KDM4B: variants seen among roughly 807,000 people sequenced by gnomAD.
KDM4B encodes lysine demethylase 4B.
In KDM4B, 32 loss-of-function variants were observed where a neutral mutation model predicts 125.2. That is an observed-to-expected ratio of 0.26 (90% confidence interval 0.19 to 0.34). KDM4B has a LOEUF of 0.34. Among genes scored for constraint, KDM4B ranks in the 10% least tolerant of loss-of-function variants. The pLI is 1.00. For missense variants in KDM4B, 1,190 were observed against 1,577.7 expected, an observed-to-expected ratio of 0.75 and a Z score of 4.16; for synonymous variants, 721 against 677.9, an observed-to-expected ratio of 1.06 and a Z score of -0.99.
Position 5,096,769 on chromosome 19 carries a change from G to A in KDM4B, c.919-13853G>A, listed in dbSNP as rs1008654360. On this transcript the variant is annotated intron_variant, in intron 9 of 22. Coordinates refer to ENST00000159111, the MANE Select transcript of KDM4B (RefSeq NM_015015.3). Reference sequence around the variant, plus strand: ...GCCCCCGGCGGTGTCGGTGGCGCGTGTTGCCGTGGCGCCTGCCTGGTGGAG... The same window carrying A: ...GCCCCCGGCGGTGTCGGTGGCGCGTATTGCCGTGGCGCCTGCCTGGTGGAG... Among the ~76,000 whole-genome samples, 6 of 149,454 alleles carry A rather than the reference G, an allele frequency of 4.0e-5. No homozygotes were observed. The East Asian group carries it at 1.2e-3, about 30-fold the overall frequency.
intron 2 of KDM4B, among the ~76,000 whole-genome samples, chr19:5,020,931 G>A (rs529918326): frequency 1.4e-4 from 21 of 152,048 alleles, no homozygotes; most frequent in Non-Finnish European, 3.1e-4. Context: ...CGGATCACCT[G>A]AGGTCAGGAG....
At chr19:5,122,157 G>A (rs938952375) in intron 11 of KDM4B, among the ~76,000 whole-genome samples, 1 of 152,224 alleles carries the variant, frequency 6.6e-6, no homozygotes, top group Non-Finnish European at 1.5e-5. Context: ...CCTCCTGGGG[G>A]GCTCCAGGGG....
intron 6 of KDM4B, among the ~76,000 whole-genome samples, chr19:5,053,051 G>A (rs2037282758): frequency 6.6e-6 from 1 of 152,266 alleles, no homozygotes; most frequent in Admixed American, 6.5e-5. Flanking sequence ...CCCGACAGGG[G>A]TGGCGTAGCC....
chr19:5,039,762 C>CGTATCATTAAAAAAA, intron 3 of KDM4B, 74 bp from the exon 4 acceptor site: 1 of 1,521,766 alleles, frequency 6.6e-7, no homozygotes, highest in South Asian at 1.2e-5. Context: ...TCTGGGGAGC[C>CGTATCATTAAAAAAA]GGTGGCACAG....
At chr19:5,121,326 C>T (rs1485492007) in intron 11 of KDM4B, among the ~76,000 whole-genome samples, 1 of 152,188 alleles carries the variant, frequency 6.6e-6, no homozygotes, top group African/African-American at 2.4e-5. Flanking sequence ...CAGCACGCCT[C>T]AGGAGGGTCT....
At chr19:5,079,256 C>T (rs951237246) in intron 8 of KDM4B, 3 of 152,324 alleles carry the variant, frequency 2.0e-5, no homozygotes, top group Non-Finnish European at 2.9e-5. Context: ...TCTGGGGCCG[C>T]GTCCTGTCAC....
chr19:5,024,159 C>T (rs909908199), intron 2 of KDM4B, among the ~76,000 whole-genome samples: 1 of 152,168 alleles, frequency 6.6e-6, no homozygotes, highest in Admixed American at 6.5e-5. Flanking sequence ...CTGCATCCTG[C>T]CCCACCTTCA....
intron 10 of KDM4B, chr19:5,111,714 T>C: frequency 1.3e-6 from 1 of 759,438 alleles, no homozygotes. Context: ...CAGAGTGGGC[T>C]CAGCCAACTC....
At chr19:5,052,044 A>G (rs2037243269) in intron 6 of KDM4B, among the ~76,000 whole-genome samples, 1 of 152,060 alleles carries the variant, frequency 6.6e-6, no homozygotes, top group South Asian at 2.1e-4. Context: ...GACCCTCCTG[A>G]GTGCTGCGGG....
chr19:5,078,667 C>T lies in KDM4B; in HGVS notation c.780+1197C>T, dbSNP rs1216988817. ...AGTGGTGCTTCCTGGAGGGGGGTGC[C>T]CATCGAAGGGGTGGGCAGGCAGTGA... is the stretch of plus-strand genomic sequence containing the variant. On this transcript the variant is annotated intron_variant, in intron 8 of 22. Coordinates refer to ENST00000159111, the MANE Select transcript of KDM4B (RefSeq NM_015015.3). The surrounding 1 kb of genome is among the most constrained non-coding windows in gnomAD (Gnocchi z 4.5). 6.6e-5 allele frequency: 10 copies of T among 152,214 alleles called. No individual in the cohort carries two copies. Among genetic ancestry groups the T allele is most frequent in the Admixed American group, 6.5e-4 (10 of 15,274 alleles). 9.4% of individuals were successfully genotyped at this position (152,214 alleles called of 1,614,324 possible).
In KDM4B at chr19:4,992,097, T is replaced by C. The variant is rs577236106; in HGVS notation, c.-109+22867T>C. 1.3e-4 allele frequency among the ~76,000 whole-genome samples: 20 copies of C among 152,116 alleles called. No homozygotes were observed. In the East Asian group the frequency reaches 3.9e-3, roughly 30 times the overall value. ...TTGCCAGGGCCTGGGGGCGACAGAGTGGAAGCAGAGTGAGTTCCTTTGTGT... is the reference window on the plus strand; with the variant it reads ...TTGCCAGGGCCTGGGGGCGACAGAGCGGAAGCAGAGTGAGTTCCTTTGTGT... On this transcript the variant is annotated intron_variant, in intron 1 of 22. Coordinates refer to ENST00000159111, the MANE Select transcript of KDM4B (RefSeq NM_015015.3).
rs1429224844 is a variant in KDM4B, at chr19:5,114,303, G to A, written c.1115+3485G>A. 1.0e-5 allele frequency: 12 copies of A among 1,176,376 alleles called. No homozygotes were observed. Among genetic ancestry groups the A allele is most frequent in the Non-Finnish European group, 1.4e-5 (12 of 885,178 alleles). The allele number at this position is 1,176,376 out of a possible 1,614,324, so 72.9% of individuals were successfully genotyped here. On this transcript the variant is annotated intron_variant, in intron 10 of 22. Transcript: ENST00000159111. This position sits in a 1 kb window ranked among gnomAD's most constrained non-coding sequence, Gnocchi z 5.8. ...ACTGCTGCTCTGTGAGCCCGGCTGG[G>A]CCCAGGCCTCGTCTCCCCTACCCCT... is the stretch of plus-strand genomic sequence containing the variant.
intron 9 of KDM4B, among the ~76,000 whole-genome samples, chr19:5,093,456 G>T (rs2038752835): frequency 6.6e-6 from 1 of 152,204 alleles, no homozygotes; most frequent in Non-Finnish European, 1.5e-5. Flanking sequence ...AGCCCTGGGA[G>T]CCGGCGCCTA....
intron 9 of KDM4B, among the ~76,000 whole-genome samples, chr19:5,095,125 ACAG>A (rs2038793819): frequency 6.6e-6 from 1 of 152,112 alleles, no homozygotes; most frequent in African/African-American, 2.4e-5. Flanking sequence ...ATCCCTGTCC[ACAG>A]CAGGGCAAGC....
rs376296615 is a variant in KDM4B, at chr19:4,971,270, TCGTGGAAGAGACCC to T, written c.-109+2041_-109+2054del. ...CTGGCCTTTGTTGTACTTTTCTGTC[TCGTGGAAGAGACCC>T]TTCCTCAGCCTCCTGCCCTGTCTTC... On this transcript the variant is annotated intron_variant, in intron 1 of 22. Coordinates refer to ENST00000159111, the MANE Select transcript of KDM4B (RefSeq NM_015015.3). This position sits in a 1 kb window ranked among gnomAD's most constrained non-coding sequence, Gnocchi z 4.1. 4.6e-5 allele frequency among the ~76,000 whole-genome samples: 7 copies of T among 152,312 alleles called. No homozygotes were observed. The highest frequency in any genetic ancestry group is 1.7e-4 in the African/African-American group (7 of 41,570).
rs766608517 is a variant in KDM4B, at chr19:5,082,409, G to T, written c.823G>T (p.Gly275Cys). 1 of 1,613,730 alleles carries T rather than the reference G, an allele frequency of 6.2e-7. No individual in the cohort carries two copies. Among genetic ancestry groups the T allele is most frequent in the Non-Finnish European group, 8.5e-7 (1 of 1,179,952 alleles). The change falls in exon 9 of 23, where the codon GGC becomes TGC. Residue 275 changes from glycine (G) to cysteine (C), a missense_variant. Coordinates refer to ENST00000159111, the MANE Select transcript of KDM4B (RefSeq NM_015015.3). This position sits in a 1 kb window ranked among gnomAD's most constrained non-coding sequence, Gnocchi z 5.4. ...AGEFMITFPY[G>C]YHAGFNHGFN... ...GGAATTCATGATCACATTTCCCTAC[G>T]GCTACCACGCCGGCTTCAATCACGG...
chr19:5,152,598 T>G lies in KDM4B; in HGVS notation c.*1087T>G, dbSNP rs2039967825. The G allele has an allele frequency of 6.6e-6, 1 of 152,220 alleles. No individual in the cohort carries two copies. The highest frequency in any genetic ancestry group is 2.1e-4 in the South Asian group (1 of 4,834). The allele number at this position is 152,220 out of a possible 1,614,324, so 9.4% of individuals were successfully genotyped here. A position where few individuals can be genotyped will look rare whatever the true frequency, so the allele number is the denominator to read the frequency against. The stretch of plus-strand genomic sequence containing the variant: ...TTCCGGGCAGGGACGAGGCCTGGTG[T>G]CCTCGCTCCACCCACCCACGCTGCT... On this transcript the variant is annotated 3_prime_UTR_variant, in exon 23 of 23. Transcript: ENST00000159111.
intron 6 of KDM4B, among the ~76,000 whole-genome samples, chr19:5,062,713 G>A (rs1201310627): frequency 6.9e-6 from 1 of 145,272 alleles, no homozygotes; most frequent in Non-Finnish European, 1.5e-5. Flanking sequence ...TAATTCTATA[G>A]TTTTACCAGT....
At chr19:5,068,641 G>A (rs935685927) in intron 6 of KDM4B, among the ~76,000 whole-genome samples, 12 of 152,336 alleles carry the variant, frequency 7.9e-5, no homozygotes, top group African/African-American at 2.6e-4. Flanking sequence ...CGAGGCCGTC[G>A]CTGGGTTGTT....
Sources: gnomAD v4.1 joint callset for allele counts (sites outside exome capture counted in the v4.1 genomes callset) on GRCh38, gnomAD v4.1.1 for gene constraint, Gnocchi (gnomAD v3.1) non-coding constraint, MANE v1.5 for transcripts, NCBI Gene and HGNC (gene_info 2026-07-23, HGNC 2026-07-21) for gene names.